Variants in EP400 observed in about 807,000 individuals in gnomAD.
The protein encoded by EP400 is E1A binding protein p400.
EP400 carries 105 observed loss-of-function variants against 354.1 expected under a neutral mutation model. The ratio of observed to expected loss-of-function variants is 0.30; its 90% CI spans 0.25 to 0.35. The LOEUF (loss-of-function observed/expected upper bound fraction) is 0.35. Ranked by LOEUF, EP400 falls within the 10% of genes least tolerant of loss-of-function variation. The probability of loss-of-function intolerance (pLI) is 1.00; values close to 1 mark genes in which losing one functional copy is unlikely to be tolerated. For missense variants in EP400, 3,280 were observed against 4,121.0 expected (o/e 0.80, Z 5.59); for synonymous variants, 1,646 against 1,716.9 (o/e 0.96, Z 1.02).
In EP400 at chr12:132,017,820, T is replaced by TC. The variant is rs754634130; in HGVS notation, c.4110+100dup. 2 of 1,284,936 alleles carry TC rather than the reference T, an allele frequency of 1.6e-6. No homozygotes were observed. Among genetic ancestry groups the TC allele is most frequent in the Non-Finnish European group, 2.1e-6 (2 of 955,786 alleles). The allele number at this position is 1,284,936 out of a possible 1,614,324, so 79.6% of individuals were successfully genotyped here. On this transcript the variant is annotated intron_variant, in intron 20 of 52. Transcript: ENST00000389561. The surrounding 1 kb of genome is among the most constrained non-coding windows in gnomAD (Gnocchi z 5.0). ...TGGAAATGGGTTCTCAACCAGCTCT[T>TC]CTGCAATTGCAATTGCAGCTCCGCG...
chr12:131,961,599 T>C lies in EP400; in HGVS notation c.980T>C (p.Val327Ala). The change falls in exon 2 of 53, where the codon GTG (valine) becomes GCG (alanine). Residue 327 changes from valine to alanine, a missense_variant. Val to Ala is a moderately conservative substitution (Grantham distance 64). Coordinates refer to ENST00000389561, the MANE Select transcript of EP400 (RefSeq NM_015409.5). ...PPPTSPSRTA[V>A]PPGLSSLPLT... is the part of the protein sequence containing the mutation. ...CCCACCAGCCCTTCCAGGACTGCCG[T>C]GCCCCCAGGCCTTTCCAGCCTCCCA... 1 of 1,565,388 alleles carries C rather than the reference T, an allele frequency of 6.4e-7. No individual in the cohort carries two copies. Among genetic ancestry groups the C allele is most frequent in the Non-Finnish European group, 8.7e-7 (1 of 1,151,788 alleles).
At chr12:132,053,084 CG>C (rs1020992335) in intron 41 of EP400, 61 bp from the exon 42 acceptor site, 117 of 1,551,934 alleles carry the variant, frequency 7.5e-5, no homozygotes, top group Non-Finnish European at 1.0e-4. Context: ...TTCTAGGGTA[CG>C]TGGTACTTGT....
intron 22 of EP400, 38 bp downstream of exon 22, chr12:132,020,256 A>G: frequency 6.5e-7 from 1 of 1,535,476 alleles, no homozygotes; most frequent in South Asian, 1.2e-5. Flanking sequence ...CGCCTTATGG[A>G]GGTTTTTGTG....
At position 132,037,646 on chromosome 12, in the gene EP400, G is replaced by A. The variant is rs746279594; in HGVS notation, c.5952-36G>A. The stretch of plus-strand genomic sequence containing the variant: ...CCACCTGTTGTCACTGTGTTTCCTG[G>A]TGACTGACTTAGCATCTTACATCTT... On this transcript the variant is annotated intron_variant, in intron 30 of 52. Transcript: ENST00000389561. 5 of 1,562,676 alleles carry A rather than the reference G, an allele frequency of 3.2e-6. No homozygotes were observed. In the African/African-American group the frequency reaches 6.8e-5, roughly 21 times the overall value.
intron 14 of EP400, 130 bp from the exon 15 acceptor site, chr12:132,006,570 C>T (rs545505192): frequency 3.9e-6 from 4 of 1,033,204 alleles, no homozygotes; most frequent in Admixed American, 6.1e-5. Flanking sequence ...TCTTCCTCTT[C>T]CTGTTTTCTG....
Position 131,981,580 on chromosome 12 carries a change from A to G in EP400, c.1527A>G (p.Leu509=). The change falls in exon 4 of 53, where the codon CTA becomes CTG. Residue 509 remains leucine, a synonymous_variant. Coordinates refer to ENST00000389561, the MANE Select transcript of EP400 (RefSeq NM_015409.5). ...GADAGVPLQQ[L]MPTAQGGMPP... ...ACGCAGGCGTTCCTCTCCAGCAACT[A>G]ATGCCGACCGCACAAGGTAAGGCCC... 6.3e-7 allele frequency: 1 copy of G among 1,598,576 alleles called. No homozygotes were observed. The highest frequency in any genetic ancestry group is 8.5e-7 in the Non-Finnish European group (1 of 1,172,854).
intron 39 of EP400, 61 bp downstream of exon 39, chr12:132,045,961 G>A: frequency 1.9e-6 from 3 of 1,575,034 alleles, no homozygotes; most frequent in Non-Finnish European, 2.6e-6. Flanking sequence ...GCCGTGGCCT[G>A]CAGTTTCAGC....
At chr12:131,987,582 TTCTC>T in intron 6 of EP400, 119 bp from the exon 7 acceptor site, 1 of 770,794 alleles carries the variant, frequency 1.3e-6, no homozygotes, top group Non-Finnish European at 2.0e-6. Context: ...ACCTTGTGCT[TTCTC>T]TCTTTCTTAG....
Position 132,077,414 on chromosome 12 carries a change from C to G in EP400, c.9113C>G (p.Thr3038Ser). The G allele has an allele frequency of 6.2e-7, 1 of 1,611,862 alleles. No individual in the cohort carries two copies. Among genetic ancestry groups the G allele is most frequent in the South Asian group, 1.1e-5 (1 of 91,000 alleles). The stretch of plus-strand genomic sequence containing the variant: ...CTCTCGGCTCAGGCTTCTCCACAGA[C>G]TGTGGCGCTCACGCAGGCGACGGCG... The part of the protein sequence containing the change: ...ASASQQASPQ[T>S]VALTQATAAG... Residue 3038 changes from threonine (T) to serine (S), a missense_variant, in exon 53 of 53, where the codon ACT becomes AGT. Physicochemically the swap from Thr to Ser is moderately conservative, Grantham distance 58 (BLOSUM62 1). This residue lies in a region of EP400 where 279 missense variants were observed against 386.7 expected (regional missense o/e 0.72). Coordinates refer to ENST00000389561, the MANE Select transcript of EP400 (RefSeq NM_015409.5).
Position 132,077,885 on chromosome 12 carries a change from C to T in EP400, c.*212C>T. On this transcript the variant is annotated 3_prime_UTR_variant, in exon 53 of 53. Coordinates refer to ENST00000389561, the MANE Select transcript of EP400 (RefSeq NM_015409.5). ...GTGCCGCGTTCTCTGTACTACGTGGCTCATGGAAAAAGTGACAACATGGCT... is the reference window on the plus strand; with the variant it reads ...GTGCCGCGTTCTCTGTACTACGTGGTTCATGGAAAAAGTGACAACATGGCT... The T allele has an allele frequency of 1.5e-6, 1 of 653,076 alleles. No individual in the cohort carries two copies. Among genetic ancestry groups the T allele is most frequent in the Non-Finnish European group, 2.5e-6 (1 of 403,050 alleles). 40.5% of individuals were successfully genotyped at this position (653,076 alleles called of 1,614,324 possible).
At chr12:131,978,209 G>C (rs189417516) in intron 2 of EP400, among the ~76,000 whole-genome samples, 5 of 152,262 alleles carry the variant, frequency 3.3e-5, no homozygotes, top group Admixed American at 3.3e-4. Flanking sequence ...AGAATTGAGA[G>C]GAAGGAACAA....
intron 47 of EP400, 71 bp from the exon 48 acceptor site, chr12:132,064,597 G>T (rs1895825653): frequency 6.4e-7 from 1 of 1,556,942 alleles, no homozygotes; most frequent in African/African-American, 1.4e-5. Context: ...GGGTGGCTTA[G>T]GAACAAGATG....
At chr12:131,969,106 G>A (rs1844810925) in intron 2 of EP400, among the ~76,000 whole-genome samples, 1 of 151,770 alleles carries the variant, frequency 6.6e-6, no homozygotes, top group South Asian at 2.1e-4. Context: ...GATCTAGGGG[G>A]AAGGCAGTTA....
intron 19 of EP400, among the ~76,000 whole-genome samples, chr12:132,016,088 C>T (rs1893923021): frequency 6.6e-6 from 1 of 152,192 alleles, no homozygotes; most frequent in South Asian, 2.1e-4. Flanking sequence ...AGCTCCATCC[C>T]TTCTCCGGAA....
chr12:131,990,825 A>C lies in EP400; in HGVS notation c.2629+111A>C. 2 of 742,278 alleles carry C rather than the reference A, an allele frequency of 2.7e-6. No individual in the cohort carries two copies. Among genetic ancestry groups the C allele is most frequent in the East Asian group, 2.5e-5 (1 of 40,478 alleles). 46.0% of individuals were successfully genotyped at this position (742,278 alleles called of 1,614,324 possible). ...GGCTTCCCACAGAGGACATCTGCTC[A>C]TCAGCCAGCTGCCTGATTGTTACAT... On this transcript the variant is annotated intron_variant, in intron 9 of 52. Transcript: ENST00000389561. This position sits in a 1 kb window ranked among gnomAD's most constrained non-coding sequence, Gnocchi z 4.2.
Position 132,018,517 on chromosome 12 carries a change from T to C in EP400, c.4277+141T>C. 2 of 1,245,014 alleles carry C rather than the reference T, an allele frequency of 1.6e-6. No homozygotes were observed. Among genetic ancestry groups the C allele is most frequent in the South Asian group, 3.3e-5 (2 of 60,764 alleles). The allele number at this position is 1,245,014 out of a possible 1,614,324, so 77.1% of individuals were successfully genotyped here. A position where few individuals can be genotyped will look rare whatever the true frequency, so the allele number is the denominator to read the frequency against. ...TTGGGACCTTGCTGGTGTCCTTGGCTGTGGTATGCCTGGCTCTGCAGATGC... is the reference window on the plus strand; with the variant it reads ...TTGGGACCTTGCTGGTGTCCTTGGCCGTGGTATGCCTGGCTCTGCAGATGC... On this transcript the variant is annotated intron_variant, in intron 21 of 52. Transcript: ENST00000389561. This position sits in a 1 kb window ranked among gnomAD's most constrained non-coding sequence, Gnocchi z 4.0.
Position 132,013,985 on chromosome 12 carries a change from C to T in EP400, c.3923+72C>T. 6.4e-7 allele frequency: 1 copy of T among 1,573,376 alleles called. No individual in the cohort carries two copies. The highest frequency in any genetic ancestry group is 2.2e-5 in the East Asian group (1 of 44,600). ...TGAGGGAAAACGGCCCTTTCTGTGG[C>T]CTCAGCAGAAAGCTCCTTTCCGCAA... is the stretch of plus-strand genomic sequence containing the variant. On this transcript the variant is annotated intron_variant, in intron 19 of 52. Coordinates refer to ENST00000389561, the MANE Select transcript of EP400 (RefSeq NM_015409.5). The surrounding 1 kb of genome is among the most constrained non-coding windows in gnomAD (Gnocchi z 4.5).
At position 132,017,738 on chromosome 12, in the gene EP400, G is replaced by A. The variant is rs1209584014; in HGVS notation, c.4110+17G>A. ...TTCTGGAAGGTAAGTGGAGGATCCA[G>A]AAAGCGGAATTACTGTTGGATATCT... On this transcript the variant is annotated intron_variant, in intron 20 of 52. Coordinates refer to ENST00000389561, the MANE Select transcript of EP400 (RefSeq NM_015409.5). This position sits in a 1 kb window ranked among gnomAD's most constrained non-coding sequence, Gnocchi z 5.0. 6.6e-7 allele frequency: 1 copy of A among 1,509,988 alleles called. No homozygotes were observed. Among genetic ancestry groups the A allele is most frequent in the African/African-American group, 1.4e-5 (1 of 71,370 alleles). The allele number at this position is 1,509,988 out of a possible 1,614,324, so 93.5% of individuals were successfully genotyped here. A position where few individuals can be genotyped will look rare whatever the true frequency, so the allele number is the denominator to read the frequency against.
rs1297031994 is a variant in EP400, at chr12:131,950,003, C to G, written c.-69C>G. 6.6e-6 allele frequency: 1 copy of G among 151,872 alleles called. No homozygotes were observed. 9.4% of individuals were successfully genotyped at this position (151,872 alleles called of 1,614,324 possible). A position where few individuals can be genotyped will look rare whatever the true frequency, so the allele number is the denominator to read the frequency against. Reference sequence around the variant, plus strand: ...GCGCGGCTTCCATCCTCCCGCCCTCCTGACGCGGCCGGAGCGCAGCCCTGA... The same window carrying G: ...GCGCGGCTTCCATCCTCCCGCCCTCGTGACGCGGCCGGAGCGCAGCCCTGA... On this transcript the variant is annotated 5_prime_UTR_variant, in exon 1 of 53. Transcript: ENST00000389561.
Sources: allele counts gnomAD v4.1 joint callset (sites outside exome capture counted in the v4.1 genomes callset), GRCh38; gene constraint gnomAD v4.1.1; regional missense constraint gnomAD v4.1.1; non-coding constraint Gnocchi (gnomAD v3.1); transcripts MANE v1.5; gene names NCBI Gene and HGNC (gene_info 2026-07-23, HGNC 2026-07-21).